The following CHST9 variants were observed in gnomAD, a reference collection of about 807,000 sequenced individuals.
CHST9 encodes GalNAc-4-sulfotransferase 2.
A neutral mutation model predicts 44.4 loss-of-function variants in CHST9; 41 were observed. The ratio of observed to expected loss-of-function variants is 0.92; its 90% confidence interval spans 0.72 to 1.20. CHST9 has a LOEUF of 1.20. CHST9 is among the 50% of genes most tolerant of loss of function. The pLI is 0.00. For synonymous variants in CHST9, 171 were observed against 178.4 expected (o/e 0.96, Z 0.33); for missense variants, 504 against 516.5 (o/e 0.98, Z 0.23).
At chr18:26,977,198 C>T (rs1785548) in intron 4 of CHST9, among the ~76,000 whole-genome samples, 100,055 of 151,744 alleles carry the variant, frequency 0.66, 33,594 homozygotes, top group African/African-American at 0.79. Flanking sequence ...TAATTTGTAC[C>T]GATGCTTAAA....
In CHST9 at chr18:26,910,447, G is replaced by C. The variant is rs1005233411; in HGVS notation, c.*5812C>G. On this transcript the variant is annotated 3_prime_UTR_variant, in exon 6 of 6. Transcript: ENST00000618847. ...AGGACTTGAAAAGTGAGATGCTTAG[G>C]GGCCAGGCAAGTAAGGTGAATGAGT... 1.3e-5 allele frequency: 2 copies of C among 152,274 alleles called. No homozygotes were observed. Among genetic ancestry groups the C allele is most frequent in the African/African-American group, 4.8e-5 (2 of 41,436 alleles). The allele number at this position is 152,274 out of a possible 1,614,324, so 9.4% of individuals were successfully genotyped here. A position where few individuals can be genotyped will look rare whatever the true frequency, so the allele number is the denominator to read the frequency against.
intron 2 of CHST9, among the ~76,000 whole-genome samples, chr18:27,098,482 A>G (rs2058139470): frequency 6.6e-6 from 1 of 152,082 alleles, no homozygotes; most frequent in Admixed American, 6.5e-5. Flanking sequence ...AACTCATTCT[A>G]TTATAAAGAC....
intron 1 of CHST9, among the ~76,000 whole-genome samples, chr18:27,147,527 C>T (rs1484846122): frequency 6.6e-6 from 1 of 152,166 alleles, no homozygotes; most frequent in African/African-American, 2.4e-5. Flanking sequence ...GTAGCAGCTA[C>T]ACCATCCTCT....
intron 3 of CHST9, among the ~76,000 whole-genome samples, chr18:27,045,998 T>A (rs1170022915): frequency 5.3e-5 from 8 of 152,050 alleles, no homozygotes; most frequent in Non-Finnish European, 1.0e-4. Flanking sequence ...CCACTTAAGT[T>A]TTGTTGACCA....
intron 2 of CHST9, among the ~76,000 whole-genome samples, chr18:27,133,927 T>TA (rs2058493040): frequency 6.6e-6 from 1 of 152,170 alleles, no homozygotes. Flanking sequence ...CTCATTTGAT[T>TA]AAAAAAATTG....
At chr18:26,976,090 C>T (rs568981739) in intron 4 of CHST9, among the ~76,000 whole-genome samples, 3 of 151,970 alleles carry the variant, frequency 2.0e-5, no homozygotes, top group Non-Finnish European at 2.9e-5. Flanking sequence ...TCCAAATCTA[C>T]GCTCAACAGG....
intron 1 of CHST9, among the ~76,000 whole-genome samples, chr18:27,181,019 G>A (rs973165810): frequency 4.6e-5 from 7 of 152,002 alleles, no homozygotes; most frequent in African/African-American, 1.4e-4. Flanking sequence ...GCACATTTAT[G>A]ATGAGAACAT....
chr18:27,077,212 C>T (rs566956049), intron 2 of CHST9, among the ~76,000 whole-genome samples: 6 of 151,984 alleles, frequency 3.9e-5, no homozygotes, highest in African/African-American at 9.6e-5. Flanking sequence ...GAGTCAATCA[C>T]GTTGATAGAA....
At chr18:27,074,473 G>A (rs2057877493) in intron 2 of CHST9, among the ~76,000 whole-genome samples, 1 of 152,084 alleles carries the variant, frequency 6.6e-6, no homozygotes, top group East Asian at 1.9e-4. Flanking sequence ...AGGTTTGTGT[G>A]TTTATAGAGT....
At chr18:26,996,289 C>G (rs557872370) in intron 4 of CHST9, among the ~76,000 whole-genome samples, 44 of 152,310 alleles carry the variant, frequency 2.9e-4, no homozygotes, top group African/African-American at 1.0e-3. Context: ...AGGCTTTAGA[C>G]ACACTGATAT....
chr18:26,990,281 T>C (rs2056801024), intron 4 of CHST9, among the ~76,000 whole-genome samples: 1 of 152,184 alleles, frequency 6.6e-6, no homozygotes, highest in South Asian at 2.1e-4. Context: ...ATGTGCAATT[T>C]GTTGTATATT....
intron 2 of CHST9, among the ~76,000 whole-genome samples, chr18:27,052,607 G>GGAAATCTC (rs1394841587): frequency 2.0e-5 from 3 of 151,972 alleles, no homozygotes; most frequent in Admixed American, 6.6e-5. Context: ...AAAGCCTCTT[G>GGAAATCTC]GAAATCTCTA....
At chr18:27,109,089 G>T (rs1350972527) in intron 2 of CHST9, among the ~76,000 whole-genome samples, 2 of 152,174 alleles carry the variant, frequency 1.3e-5, no homozygotes, top group Non-Finnish European at 2.9e-5. Context: ...GAAGTCTTGA[G>T]TTGTAACCAA....
intron 4 of CHST9, among the ~76,000 whole-genome samples, chr18:26,987,424 C>T (rs746428920): frequency 4.6e-5 from 7 of 152,050 alleles, no homozygotes; most frequent in Non-Finnish European, 8.8e-5. Flanking sequence ...CTCAGATATT[C>T]TGTTATGGCA....
intron 2 of CHST9, among the ~76,000 whole-genome samples, chr18:27,053,597 T>C (rs1050861046): frequency 1.2e-4 from 18 of 152,218 alleles, no homozygotes; most frequent in Non-Finnish European, 2.4e-4. Flanking sequence ...CCTAACTTGT[T>C]TGTTGGTTTT....
chr18:27,164,435 G>T (rs1394743347), intron 1 of CHST9, among the ~76,000 whole-genome samples: 2 of 151,656 alleles, frequency 1.3e-5, no homozygotes, highest in Non-Finnish European at 2.9e-5. Context: ...AAAAAAGATG[G>T]AAAATTGAAG....
Position 26,944,433 on chromosome 18 carries a change from C to G in CHST9, c.203-67G>C, listed in dbSNP as rs893227863. ...AAATGAATAAAATGCGGTACTGATGCTGCTCTGTTTACAGTAAACACTTCC... is the reference window on the plus strand; with the variant it reads ...AAATGAATAAAATGCGGTACTGATGGTGCTCTGTTTACAGTAAACACTTCC... On this transcript the variant is annotated intron_variant, in intron 4 of 5. Transcript: ENST00000618847. The G allele has an allele frequency of 4.4e-5, 50 of 1,143,870 alleles. No homozygotes were observed. In the Middle Eastern group the frequency reaches 5.8e-4, roughly 13 times the overall value. The allele number at this position is 1,143,870 out of a possible 1,614,324, so 70.9% of individuals were successfully genotyped here.
chr18:27,141,252 C>T (rs1354405029), intron 2 of CHST9, among the ~76,000 whole-genome samples: 2 of 152,048 alleles, frequency 1.3e-5, no homozygotes, highest in Admixed American at 1.3e-4. Context: ...GTAGTCCCAG[C>T]TACTTGGGAG....
At position 26,995,310 on chromosome 18, in the gene CHST9, C is replaced by T. The variant is rs186205366; in HGVS notation, c.202+28806G>A. Among the ~76,000 whole-genome samples, 1,349 of 149,316 alleles carry T rather than the reference C, an allele frequency of 9.0e-3. 19 individuals are homozygous for T. Among genetic ancestry groups the T allele is most frequent in the African/African-American group, 0.032 (1,288 of 40,570 alleles). On this transcript the variant is annotated intron_variant, in intron 4 of 5. Coordinates refer to ENST00000618847, the MANE Select transcript of CHST9 (RefSeq NM_031422.6). ...AAAATTAGCTGGGCGTGGTGGTGGGCGCCTGTAGTCTCAGTTACTCGGGAG... is the reference window on the plus strand; with the variant it reads ...AAAATTAGCTGGGCGTGGTGGTGGGTGCCTGTAGTCTCAGTTACTCGGGAG...
Sources: allele counts gnomAD v4.1 joint callset (sites outside exome capture counted in the v4.1 genomes callset), GRCh38; gene constraint gnomAD v4.1.1; transcripts MANE v1.5; gene names NCBI Gene and HGNC (gene_info 2026-07-23, HGNC 2026-07-21).